PDSS2: variants seen among roughly 807,000 people sequenced by gnomAD.
PDSS2 encodes the protein all trans-polyprenyl-diphosphate synthase PDSS2.
Under a neutral mutation model 44.5 loss-of-function variants are expected in PDSS2, and 31 were observed. The observed-to-expected ratio is 0.70, with a 90% CI of 0.52 to 0.94. The LOEUF is 0.94. PDSS2 is among the 40% of genes least tolerant of loss of function. PDSS2 has a pLI of 0.00. For synonymous variants in PDSS2, 157 were observed against 180.3 expected (o/e 0.87, Z 1.03); for missense variants, 452 against 482.2 (o/e 0.94, Z 0.59).
At chr6:107,232,581 T>C (rs1677204456) in intron 4 of PDSS2, among the ~76,000 whole-genome samples, 1 of 152,226 alleles carries the variant, frequency 6.6e-6, no homozygotes, top group South Asian at 2.1e-4. Flanking sequence ...TCTCCCTATT[T>C]AGTTCTCTCC....
At chr6:107,300,423 G>GACAGGAC (rs1412360574) in intron 2 of PDSS2, among the ~76,000 whole-genome samples, 2 of 152,266 alleles carry the variant, frequency 1.3e-5, no homozygotes, top group South Asian at 4.1e-4. Context: ...GGGACTGAGA[G>GACAGGAC]ACAGGACAAG....
At chr6:107,312,005 G>A (rs1777060707) in intron 2 of PDSS2, among the ~76,000 whole-genome samples, 1 of 152,204 alleles carries the variant, frequency 6.6e-6, no homozygotes, top group Non-Finnish European at 1.5e-5. Flanking sequence ...GGGGATTAGG[G>A]AATGTTTCCT....
rs1378561990 is a variant in PDSS2 at position 107,334,736 on chromosome 6, C to CA, written c.297-405dup. ...AAAAAAAAAAAAAAAAACGTAGAGTCAGAGTCTTGCTATGTTGCCCAGACT... is the reference window on the plus strand; with the variant it reads ...AAAAAAAAAAAAAAAAACGTAGAGTCAAGAGTCTTGCTATGTTGCCCAGACT... On this transcript the variant is annotated intron_variant, in intron 1 of 7. Coordinates refer to ENST00000369037, the MANE Select transcript of PDSS2 (RefSeq NM_020381.4). 8.0e-5 allele frequency among the ~76,000 whole-genome samples: 12 copies of CA among 150,718 alleles called. 1 individual carries two copies. In the South Asian group the frequency reaches 2.5e-3, roughly 32 times the overall value.
intron 4 of PDSS2, among the ~76,000 whole-genome samples, chr6:107,225,400 C>T (rs562795070): frequency 2.0e-5 from 3 of 151,602 alleles, no homozygotes; most frequent in Non-Finnish European, 2.9e-5. Context: ...ATCTGCCTGC[C>T]TTGGCCTCCC....
In PDSS2 at chr6:107,265,872, G is replaced by A. The variant is rs544955337; in HGVS notation, c.630+8157C>T. Among the ~76,000 whole-genome samples the A allele has an allele frequency of 6.1e-4, 93 of 152,262 alleles. 1 individual carries two copies. Among genetic ancestry groups the A allele is most frequent in the African/African-American group, 2.2e-3 (91 of 41,552 alleles). Reference sequence around the variant, plus strand: ...GGAGAATCACTTGAACCCGAGAGGCGGAGGTTGCAGTGAGCCAAGATCGTG... The same window carrying A: ...GGAGAATCACTTGAACCCGAGAGGCAGAGGTTGCAGTGAGCCAAGATCGTG... On this transcript the variant is annotated intron_variant, in intron 3 of 7. Transcript: ENST00000369037.
chr6:107,257,469 C>T (rs1318452864), intron 3 of PDSS2, among the ~76,000 whole-genome samples: 6 of 150,936 alleles, frequency 4.0e-5, no homozygotes, highest in East Asian at 2.0e-4. Flanking sequence ...CCTGTGAGTT[C>T]GAGGTTACAG....
intron 6 of PDSS2, among the ~76,000 whole-genome samples, chr6:107,195,808 C>T (rs1284346190): frequency 3.9e-5 from 6 of 152,148 alleles, no homozygotes; most frequent in African/African-American, 1.2e-4. Flanking sequence ...GATCCACCCA[C>T]CTCAGCCTCC....
intron 7 of PDSS2, chr6:107,192,361 CAG>C (rs1772409892): frequency 2.0e-6 from 1 of 512,260 alleles, no homozygotes; most frequent in African/African-American, 2.0e-5. Flanking sequence ...CCAAAAGCTG[CAG>C]AGTCTGAGAC....
At chr6:107,370,363 C>T (rs1045617100) in intron 1 of PDSS2, among the ~76,000 whole-genome samples, 6 of 152,146 alleles carry the variant, frequency 3.9e-5, no homozygotes, top group Non-Finnish European at 7.3e-5. Flanking sequence ...CGCAAGATTA[C>T]CTTCAAAAGT....
chr6:107,318,322 AGAGGTCAGCG>A (rs1330027649), intron 2 of PDSS2, among the ~76,000 whole-genome samples: 1 of 152,182 alleles, frequency 6.6e-6, no homozygotes, highest in Non-Finnish European at 1.5e-5. Flanking sequence ...GGAGACCAGA[AGAGGTCAGCG>A]GAGAGCAGTG....
intron 3 of PDSS2, among the ~76,000 whole-genome samples, chr6:107,256,504 TC>T (rs1775027114): frequency 2.0e-5 from 3 of 152,150 alleles, no homozygotes; most frequent in Non-Finnish European, 4.4e-5. Flanking sequence ...TGTTTGTAAT[TC>T]AGAGACATCC....
At chr6:107,172,217 C>T (rs988497744) in intron 7 of PDSS2, among the ~76,000 whole-genome samples, 6 of 152,172 alleles carry the variant, frequency 3.9e-5, no homozygotes, top group Non-Finnish European at 8.8e-5. Flanking sequence ...ATACATGTTG[C>T]TCTTACATAA....
intron 1 of PDSS2, among the ~76,000 whole-genome samples, chr6:107,342,682 T>C (rs1778117875): frequency 6.6e-6 from 1 of 152,114 alleles, no homozygotes; most frequent in Non-Finnish European, 1.5e-5. Context: ...TAAGTGTACT[T>C]CCAGACAGAG....
At chr6:107,243,587 A>G (rs1263289934) in intron 4 of PDSS2, among the ~76,000 whole-genome samples, 1 of 152,254 alleles carries the variant, frequency 6.6e-6, no homozygotes, top group Non-Finnish European at 1.5e-5. Context: ...CCCAAGGGAA[A>G]ACAGTGTCTC....
chr6:107,435,281 A>AAC lies in PDSS2; in HGVS notation c.296+23707_296+23708dup, dbSNP rs57353175. Among the ~76,000 whole-genome samples, 880 of 133,780 alleles carry AAC rather than the reference A, an allele frequency of 6.6e-3. 2 individuals carry two copies. The highest frequency in any genetic ancestry group is 0.011 in the Middle Eastern group (3 of 270). 87.8% of individuals were successfully genotyped at this position (133,780 alleles called of 152,430 possible). On this transcript the variant is annotated intron_variant, in intron 1 of 7. Transcript: ENST00000369037. ...GTGGCAGAGCAACATACTGCCTCAA[A>AAC]ACACACACACACACACACACACACA...
intron 7 of PDSS2, among the ~76,000 whole-genome samples, chr6:107,189,248 A>G (rs914288646): frequency 6.6e-6 from 1 of 152,110 alleles, no homozygotes; most frequent in Non-Finnish European, 1.5e-5. Flanking sequence ...GGATTTTGCC[A>G]TATTACCCAG....
chr6:107,352,871 C>T (rs1778475091), intron 1 of PDSS2, among the ~76,000 whole-genome samples: 1 of 152,154 alleles, frequency 6.6e-6, no homozygotes, highest in Non-Finnish European at 1.5e-5. Flanking sequence ...GCCTCCCCCT[C>T]CCTCACAAAG....
chr6:107,365,306 A>G (rs1313554908), intron 1 of PDSS2, among the ~76,000 whole-genome samples: 1 of 152,156 alleles, frequency 6.6e-6, no homozygotes, highest in African/African-American at 2.4e-5. Context: ...TCTGAAGCAG[A>G]CTGTGATAAA....
chr6:107,165,126 C>G (rs1377467067), intron 7 of PDSS2, among the ~76,000 whole-genome samples: 2 of 152,174 alleles, frequency 1.3e-5, no homozygotes, highest in African/African-American at 4.8e-5. Flanking sequence ...CCCGTTCACT[C>G]TGATGGTAGT....
Sources: gnomAD v4.1 joint callset for allele counts (sites outside exome capture counted in the v4.1 genomes callset) on GRCh38, gnomAD v4.1.1 for gene constraint, MANE v1.5 for transcripts, NCBI Gene and HGNC (gene_info 2026-07-23, HGNC 2026-07-21) for gene names.